The following GNAS variants were observed in gnomAD, a reference collection of about 807,000 sequenced individuals.
GNAS encodes protein ALEX.
GNAS carries 8 observed loss-of-function variants against 54.5 expected under a neutral mutation model. That is an observed-to-expected ratio of 0.15 (90% CI 0.09 to 0.26). The LOEUF is 0.26. GNAS is among the 10% of genes least tolerant of loss of function. GNAS has a pLI of 1.00. For synonymous variants in GNAS, 204 were observed against 191.4 expected, an observed-to-expected ratio of 1.07 and a Z score of -0.54; for missense variants, 170 against 529.8, an observed-to-expected ratio of 0.32 and a Z score of 6.67.
At chr20:58,852,886 GC>G (rs1270343753) in intron 1 of GNAS, 7 of 414,886 alleles carry the variant, frequency 1.7e-5, no homozygotes, top group Non-Finnish European at 2.5e-5. Flanking sequence ...CAGAGAGAGA[GC>G]GCTACTGGCG....
At chr20:58,868,617 C>T (rs965523233) in intron 1 of GNAS, among the ~76,000 whole-genome samples, 1 of 152,158 alleles carries the variant, frequency 6.6e-6, no homozygotes, top group Non-Finnish European at 1.5e-5. Context: ...AAAGGGGGCT[C>T]ATCTCTCATT....
chr20:58,887,084 G>A (rs1221784285), upstream of GNAS, among the ~76,000 whole-genome samples: 4 of 152,218 alleles, frequency 2.6e-5, no homozygotes. Context: ...AAGTTCAGGT[G>A]TGATGTTTAT....
At position 58,853,598 on chromosome 20, in the gene GNAS, G is replaced by A. The variant is rs1459582325; in HGVS notation, c.43+12712G>A. On this transcript the variant is annotated intron_variant, in intron 1 of 12. Transcript: ENST00000306090. The surrounding 1 kb of genome is among the most constrained non-coding windows in gnomAD (Gnocchi z 4.4). ...CCTTCGAGGCTGAACAGCCCAGCTT[G>A]GGAGGCTTCTGGCCTACACTGGAGC... The A allele has an allele frequency of 6.2e-7, 1 of 1,613,318 alleles. No individual in the cohort carries two copies. Among genetic ancestry groups the A allele is most frequent in the Admixed American group, 1.7e-5 (1 of 60,034 alleles).
intron 1 of GNAS, among the ~76,000 whole-genome samples, chr20:58,852,175 T>C (rs925678131): frequency 6.6e-6 from 1 of 151,160 alleles, no homozygotes; most frequent in African/African-American, 2.4e-5. Flanking sequence ...ACCTTCTTAT[T>C]CCCCTGCGTC....
Position 58,856,111 on chromosome 20 carries a change from CTGTA to C in GNAS, c.43+15229_43+15232del, listed in dbSNP as rs2086493093. 6.0e-6 allele frequency: 1 copy of C among 167,380 alleles called. No homozygotes were observed. Among genetic ancestry groups the C allele is most frequent in the South Asian group, 1.6e-4 (1 of 6,114 alleles). The allele number at this position is 167,380 out of a possible 1,614,324, so 10.4% of individuals were successfully genotyped here. ...CGCCGGCCTCCGCGTAACCTTGTTT[CTGTA>C]TGTCTTTCTCTCTTTTTCCTTTTGC... On this transcript the variant is annotated intron_variant, in intron 1 of 12. Coordinates refer to the GNAS transcript ENST00000306090. The surrounding 1 kb of genome is among the most constrained non-coding windows in gnomAD (Gnocchi z 4.2).
intron 1 of GNAS, chr20:58,855,919 G>A (rs2086478552): frequency 2.3e-6 from 1 of 444,206 alleles, no homozygotes; most frequent in Non-Finnish European, 4.0e-6. Context: ...GCTGTGTTGT[G>A]GTTTGCGCCA....
rs566970110 is a variant in GNAS at position 58,909,028 on chromosome 20, T to C, written c.531-134T>C. The C allele has an allele frequency of 1.3e-4, 105 of 794,314 alleles. No individual in the cohort carries two copies. The highest frequency in any genetic ancestry group is 2.3e-4 in the Non-Finnish European group (101 of 437,886). The allele number at this position is 794,314 out of a possible 1,614,324, so 49.2% of individuals were successfully genotyped here. A position where few individuals can be genotyped will look rare whatever the true frequency, so the allele number is the denominator to read the frequency against. ...CAAATGTAACCAACACACAAGCAAA[T>C]GTGCCATTGACTTAGTGCTGCATAA... On this transcript the variant is annotated intron_variant, in intron 6 of 12. Coordinates refer to ENST00000371085, the MANE Select transcript of GNAS (RefSeq NM_000516.7). This position sits in a 1 kb window ranked among gnomAD's most constrained non-coding sequence, Gnocchi z 7.3.
rs2089581078 is a variant in GNAS at position 58,892,687 on chromosome 20, G to A, written c.139+822G>A. Among the ~76,000 whole-genome samples the A allele has an allele frequency of 3.9e-5, 6 of 152,252 alleles. No homozygotes were observed. In the South Asian group the frequency reaches 1.0e-3, roughly 26 times the overall value. ...GTGTCCCGGGCCAGGCCGGGCCGTG[G>A]AAGGAGGAGAAGGAGAGTCAAATAA... On this transcript the variant is annotated intron_variant, in intron 1 of 12. Transcript: ENST00000371085.
At chr20:58,843,147 T>TA (rs1234695987) in intron 1 of GNAS, among the ~76,000 whole-genome samples, 1 of 151,884 alleles carries the variant, frequency 6.6e-6, no homozygotes, top group Non-Finnish European at 1.5e-5. Context: ...AGCCCAATTG[T>TA]AAAAACCTGT....
chr20:58,860,382 G>A (rs547811017), intron 1 of GNAS, among the ~76,000 whole-genome samples: 1 of 150,952 alleles, frequency 6.6e-6, no homozygotes, highest in African/African-American at 2.4e-5. Context: ...AGGGTCTAAA[G>A]CTTTTCTTCT....
rs116335020 is a variant in GNAS, at chr20:58,850,871, A to T, written c.43+9985A>T. On this transcript the variant is annotated intron_variant, in intron 1 of 12. Transcript: ENST00000306090. ...ACCGGCTTCCAACCACCCCAGCAGCACCTCTTCGGGCGTTCCAACGCGGCG... is the reference window on the plus strand; with the variant it reads ...ACCGGCTTCCAACCACCCCAGCAGCTCCTCTTCGGGCGTTCCAACGCGGCG... 1,830 of 398,354 alleles carry T rather than the reference A, an allele frequency of 4.6e-3. 26 individuals carry two copies. Among genetic ancestry groups the T allele is most frequent in the African/African-American group, 0.033 (1,600 of 48,546 alleles). The allele number at this position is 398,354 out of a possible 1,614,324, so 24.7% of individuals were successfully genotyped here.
At chr20:58,855,107 A>G (rs2086408404) in intron 1 of GNAS, 6 of 1,613,680 alleles carry the variant, frequency 3.7e-6, no homozygotes, top group Non-Finnish European at 4.2e-6. Context: ...TTCTCGTGCA[A>G]GCCTTCGGGG....
At chr20:58,908,058 G>T (rs1361840409) in intron 6 of GNAS, among the ~76,000 whole-genome samples, 2 of 152,168 alleles carry the variant, frequency 1.3e-5, no homozygotes, top group African/African-American at 4.8e-5. Context: ...GATTGATTGG[G>T]CAAGTTAGTA....
At position 58,884,111 on chromosome 20, in the gene GNAS, T is replaced by C. The variant is rs1166796505; in HGVS notation, c.44-11501T>C. On this transcript the variant is annotated intron_variant, in intron 1 of 12. Coordinates refer to the GNAS transcript ENST00000306090. ...GGCGAATGACACCTGAGGCCCAGTC[T>C]AAATCTCAGTTTTCCCAAACTGAGG... is the stretch of plus-strand genomic sequence containing the variant. Among the ~76,000 whole-genome samples, 3 of 152,222 alleles carry C rather than the reference T, an allele frequency of 2.0e-5. No homozygotes were observed. In the East Asian group the frequency reaches 5.8e-4, roughly 29 times the overall value.
At chr20:58,875,693 CA>C (rs962324071) in intron 1 of GNAS, among the ~76,000 whole-genome samples, 4 of 152,214 alleles carry the variant, frequency 2.6e-5, no homozygotes, top group Non-Finnish European at 5.9e-5. Flanking sequence ...GTGCCCCCCC[CA>C]CCCCATTCAG....
intron 1 of GNAS, among the ~76,000 whole-genome samples, chr20:58,861,733 T>G (rs1231605510): frequency 6.6e-6 from 1 of 152,110 alleles, no homozygotes; most frequent in Non-Finnish European, 1.5e-5. Context: ...GAGACGGAGT[T>G]TTGCTCTTGT....
At chr20:58,897,177 C>G (rs555364641) in intron 2 of GNAS, among the ~76,000 whole-genome samples, 2 of 152,216 alleles carry the variant, frequency 1.3e-5, no homozygotes, top group Admixed American at 6.5e-5. Context: ...CATGCACATA[C>G]GTGCTATTGA....
chr20:58,841,760 G>T lies in GNAS; in HGVS notation c.43+874G>T. 1 of 1,229,650 alleles carries T rather than the reference G, an allele frequency of 8.1e-7. No homozygotes were observed. Among genetic ancestry groups the T allele is most frequent in the Non-Finnish European group, 1.0e-6 (1 of 987,176 alleles). 76.2% of individuals were successfully genotyped at this position (1,229,650 alleles called of 1,614,324 possible). On this transcript the variant is annotated intron_variant, in intron 1 of 12. Transcript: ENST00000306090. The surrounding 1 kb of genome is among the most constrained non-coding windows in gnomAD (Gnocchi z 5.0). ...ACAGGCATGGTCACGTCGGGGTATT[G>T]CCAAGCTTTTGGCGCAGCTGGTCGG...
rs916829164 is a variant in GNAS, at chr20:58,863,371, T to C, written c.43+22485T>C. Among the ~76,000 whole-genome samples, 8 of 152,196 alleles carry C rather than the reference T, an allele frequency of 5.3e-5. No individual in the cohort carries two copies. The highest frequency in any genetic ancestry group is 1.0e-4 in the Non-Finnish European group (7 of 68,026). ...TTAAATTCAGGAGTATTTTGACTTG[T>C]GGAGTTCTGCCCACAGAACTGCACA... On this transcript the variant is annotated intron_variant, in intron 1 of 12. Transcript: ENST00000306090. The surrounding 1 kb of genome is among the most constrained non-coding windows in gnomAD (Gnocchi z 4.1).
Sources: allele counts gnomAD v4.1 joint callset (sites outside exome capture counted in the v4.1 genomes callset), GRCh38; gene constraint gnomAD v4.1.1; non-coding constraint Gnocchi (gnomAD v3.1); transcripts MANE v1.5; gene names NCBI Gene and HGNC (gene_info 2026-07-23, HGNC 2026-07-21).